The following CCSER1 variants were observed in gnomAD, a reference collection of about 807,000 sequenced individuals.
The protein encoded by CCSER1 is coiled-coil serine rich protein 1.
A neutral mutation model predicts 82.0 loss-of-function variants in CCSER1; 41 were observed. The ratio of observed to expected loss-of-function variants is 0.50; its 90% CI spans 0.39 to 0.65. CCSER1 has a LOEUF of 0.65. Among genes scored for constraint, CCSER1 ranks in the 30% least tolerant of loss-of-function variants. The probability of loss-of-function intolerance (pLI) is 0.00; values close to 1 mark genes in which losing one functional copy is unlikely to be tolerated. For synonymous variants in CCSER1, 414 were observed against 383.9 expected (o/e 1.08, Z -0.92); for missense variants, 1,119 against 1,064.2 (o/e 1.05, Z -0.72).
intron 10 of CCSER1, among the ~76,000 whole-genome samples, chr4:91,459,349 G>T (rs1487963994): frequency 6.6e-6 from 1 of 152,018 alleles, no homozygotes; most frequent in Non-Finnish European, 1.5e-5. Context: ...TTGTATACAT[G>T]CATATATATA....
chr4:90,999,795 TTTTTG>T (rs147827961), intron 9 of CCSER1, among the ~76,000 whole-genome samples: 8,355 of 151,294 alleles, frequency 0.055, 258 homozygotes, highest in Middle Eastern at 0.092. Context: ...TTTGTTTTTG[TTTTTG>T]TTTTGTTTTG....
chr4:91,076,675 G>C (rs1267758679), intron 9 of CCSER1, among the ~76,000 whole-genome samples: 1 of 152,002 alleles, frequency 6.6e-6, no homozygotes, highest in Non-Finnish European at 1.5e-5. Flanking sequence ...TATTCATGAA[G>C]GAGTTACATC....
chr4:90,581,881 T>A (rs1365835700), intron 5 of CCSER1, among the ~76,000 whole-genome samples: 1 of 152,198 alleles, frequency 6.6e-6, no homozygotes, highest in Admixed American at 6.5e-5. Context: ...GAATGACTTT[T>A]TTTTTTTGTG....
At chr4:90,849,294 T>C (rs954610805) in intron 8 of CCSER1, among the ~76,000 whole-genome samples, 8 of 152,206 alleles carry the variant, frequency 5.3e-5, no homozygotes, top group Middle Eastern at 6.8e-3. Context: ...GATGAGGAAC[T>C]TGTTGGGAAG....
chr4:91,564,524 G>C (rs990019722), intron 10 of CCSER1, among the ~76,000 whole-genome samples: 2 of 151,960 alleles, frequency 1.3e-5, no homozygotes, highest in Non-Finnish European at 2.9e-5. Context: ...GTGTATAAGG[G>C]TTCCTTTTCT....
chr4:90,906,866 C>G (rs185597832), intron 8 of CCSER1, among the ~76,000 whole-genome samples: 193 of 152,084 alleles, frequency 1.3e-3, no homozygotes, highest in African/African-American at 3.7e-3. Flanking sequence ...TTTAACTCTC[C>G]TAAATCTTCG....
chr4:90,206,744 A>G (rs1337308239), intron 1 of CCSER1, among the ~76,000 whole-genome samples: 3 of 135,950 alleles, frequency 2.2e-5, no homozygotes, highest in Non-Finnish European at 4.6e-5. Flanking sequence ...AGTCCTGAAT[A>G]TCCTTGTTAA....
intron 10 of CCSER1, among the ~76,000 whole-genome samples, chr4:91,298,620 C>A (rs1744412064): frequency 6.6e-6 from 1 of 151,806 alleles, no homozygotes; most frequent in Non-Finnish European, 1.5e-5. Context: ...CTAAGAAGGG[C>A]AAAATATTTA....
intron 10 of CCSER1, among the ~76,000 whole-genome samples, chr4:91,411,536 C>CA (rs1753052784): frequency 3.1e-5 from 2 of 65,432 alleles, no homozygotes; most frequent in African/African-American, 1.3e-4. Context: ...AAAATCTTGA[C>CA]TAGTTAATAT....
intron 10 of CCSER1, among the ~76,000 whole-genome samples, chr4:91,352,543 A>G (rs945510574): frequency 1.3e-5 from 2 of 152,180 alleles, no homozygotes; most frequent in Admixed American, 1.3e-4. Context: ...CGTGCCCGGC[A>G]GGAAGATTTA....
At chr4:91,325,420 T>G in intron 10 of CCSER1, 1 of 272,824 alleles carries the variant, frequency 3.7e-6, no homozygotes, top group Non-Finnish European at 7.2e-6. Context: ...GCAGAAGTAT[T>G]TTTAGCTAGT....
chr4:91,196,539 A>T (rs1289705983), intron 10 of CCSER1, among the ~76,000 whole-genome samples: 1 of 147,438 alleles, frequency 6.8e-6, no homozygotes, highest in Non-Finnish European at 1.5e-5. Flanking sequence ...AAAAATCCGC[A>T]GTCATGACAA....
intron 7 of CCSER1, chr4:90,780,574 C>A (rs1457472682): frequency 1.2e-5 from 19 of 1,524,158 alleles, no homozygotes; most frequent in Non-Finnish European, 1.6e-5. Flanking sequence ...TCTTTCCATC[C>A]AGTTCTCTAG....
intron 10 of CCSER1, among the ~76,000 whole-genome samples, chr4:91,449,904 G>A (rs1048970156): frequency 2.0e-5 from 3 of 152,016 alleles, no homozygotes; most frequent in African/African-American, 7.2e-5. Flanking sequence ...TCATTTTGAG[G>A]AGTTGAATTG....
intron 4 of CCSER1, among the ~76,000 whole-genome samples, chr4:90,453,588 G>A (rs939206048): frequency 1.3e-5 from 2 of 152,158 alleles, no homozygotes; most frequent in African/African-American, 4.8e-5. Flanking sequence ...AAACTTCTGT[G>A]TTAATATTGG....
chr4:90,565,684 C>G (rs1346532747), intron 5 of CCSER1, among the ~76,000 whole-genome samples: 1 of 152,146 alleles, frequency 6.6e-6, no homozygotes, highest in Non-Finnish European at 1.5e-5. Context: ...ACATTCCTTC[C>G]GTACCTAACT....
chr4:90,235,736 G>C (rs1293639235), intron 1 of CCSER1, among the ~76,000 whole-genome samples: 1 of 151,902 alleles, frequency 6.6e-6, no homozygotes, highest in African/African-American at 2.4e-5. Flanking sequence ...CAAAAATTCA[G>C]GTCTATATTT....
intron 8 of CCSER1, among the ~76,000 whole-genome samples, chr4:90,858,306 A>G (rs1764690153): frequency 6.6e-6 from 1 of 152,070 alleles, no homozygotes; most frequent in Admixed American, 6.6e-5. Flanking sequence ...CACCTCAGTA[A>G]AATTTCATCA....
intron 10 of CCSER1, among the ~76,000 whole-genome samples, chr4:91,259,081 A>T (rs2149162371): frequency 6.6e-6 from 1 of 152,252 alleles, no homozygotes; most frequent in East Asian, 1.9e-4. Flanking sequence ...TAAAGAAAAA[A>T]CTTTTAAATA....
Sources: gnomAD v4.1 joint callset for allele counts (sites outside exome capture counted in the v4.1 genomes callset) on GRCh38, gnomAD v4.1.1 for gene constraint, MANE v1.5 for transcripts, NCBI Gene and HGNC (gene_info 2026-07-23, HGNC 2026-07-21) for gene names.